The following PRTFDC1 variants were observed in gnomAD, a reference collection of about 807,000 sequenced individuals.
PRTFDC1 encodes phosphoribosyltransferase domain-containing protein 1.
PRTFDC1 carries 38 observed loss-of-function variants against 34.6 expected under a neutral mutation model. That is an observed-to-expected ratio of 1.10 (90% CI 0.85 to 1.44). The LOEUF is 1.44. Ranked by LOEUF, PRTFDC1 falls within the 40% of genes most tolerant of loss-of-function variation. The pLI, the probability that PRTFDC1 is intolerant of heterozygous loss-of-function variation, is 0.00. For missense variants in PRTFDC1, 270 were observed against 283.0 expected (o/e 0.95, Z 0.33); for synonymous variants, 93 against 98.1 (o/e 0.95, Z 0.31).
chr10:24,889,888 G>A (rs16925124), intron 3 of PRTFDC1, among the ~76,000 whole-genome samples: 4,831 of 152,284 alleles, frequency 0.032, 276 homozygotes, highest in African/African-American at 0.11. Flanking sequence ...GAGGCTAAGG[G>A]CTTGGAAAGC....
chr10:24,857,314 A>G (rs1233915661), intron 5 of PRTFDC1, among the ~76,000 whole-genome samples: 2 of 152,212 alleles, frequency 1.3e-5, no homozygotes, highest in Non-Finnish European at 2.9e-5. Flanking sequence ...TTCAAGGACT[A>G]AATTTGGCCC....
chr10:24,895,540 C>T (rs1848340684), intron 3 of PRTFDC1, among the ~76,000 whole-genome samples: 1 of 151,082 alleles, frequency 6.6e-6, no homozygotes, highest in South Asian at 2.1e-4. Flanking sequence ...TGTGAGCCAC[C>T]ACGCCCAGTC....
intron 3 of PRTFDC1, among the ~76,000 whole-genome samples, chr10:24,877,086 A>C (rs958819209): frequency 6.6e-6 from 1 of 152,064 alleles, no homozygotes; most frequent in Non-Finnish European, 1.5e-5. Flanking sequence ...AATTTGTGGC[A>C]CGACCCCCCT....
intron 7 of PRTFDC1, 128 bp from the exon 8 acceptor site, chr10:24,851,592 T>A: frequency 7.2e-7 from 1 of 1,396,660 alleles, no homozygotes; most frequent in East Asian, 2.4e-5. Flanking sequence ...GAGTGAGAAA[T>A]GGTGAGAAAT....
intron 3 of PRTFDC1, among the ~76,000 whole-genome samples, chr10:24,892,700 T>C (rs1017706513): frequency 6.6e-6 from 1 of 152,088 alleles, no homozygotes; most frequent in African/African-American, 2.4e-5. Flanking sequence ...ATTGTGCGTA[T>C]GATAAATCCA....
intron 3 of PRTFDC1, among the ~76,000 whole-genome samples, chr10:24,892,605 C>T (rs1010477100): frequency 5.3e-5 from 8 of 151,862 alleles, no homozygotes; most frequent in African/African-American, 1.5e-4. Flanking sequence ...AAAATGACAC[C>T]GAGGCCAAGT....
chr10:24,933,852 C>A (rs1211605778), intron 3 of PRTFDC1, among the ~76,000 whole-genome samples: 1 of 152,020 alleles, frequency 6.6e-6, no homozygotes, highest in African/African-American at 2.4e-5. Context: ...TGCCACCATG[C>A]CTGGCTAATT....
rs201109414 is a variant in PRTFDC1, at chr10:24,872,025, G to C, written c.378C>G (p.Gly126=). 3 of 1,612,054 alleles carry C rather than the reference G, an allele frequency of 1.9e-6. No individual in the cohort carries two copies. The African/African-American group carries it at 4.0e-5, about 22-fold the overall frequency. The change falls in exon 4 of 9, where the codon GGC becomes GGG. Residue 126 remains glycine, a synonymous_variant. Coordinates refer to ENST00000320152, the MANE Select transcript of PRTFDC1 (RefSeq NM_020200.7). The stretch of plus-strand genomic sequence containing the variant: ...TTCCAGCCAGCGTTGAAAGATCATC[G>C]CCTCCGATTATCTGCATCTCACCCA... The part of the protein sequence containing the change: ...QSMGEMQIIG[G]DDLSTLAGKN...
rs200345966 is a variant in PRTFDC1 at position 24,937,231 on chromosome 10, G to A, written c.292C>T (p.Arg98Ter). ...AAATCAACCTTCATTGAGACAAATCGATCTGAATTTCGGCTGATGTTCTTA... is the reference window on the plus strand; with the variant it reads ...AAATCAACCTTCATTGAGACAAATCAATCTGAATTTCGGCTGATGTTCTTA... Reference protein sequence around the residue: ...HLKNISRNSDRFVSMKVDFIR... With the variant: ...HLKNISRNSD Residue 98 changes from arginine to a stop codon, truncating the protein, a stop_gained, in exon 3 of 9, where the codon CGA (arginine) becomes TGA (stop). Transcript: ENST00000320152. LOFTEE classifies it high-confidence loss of function. 1.4e-4 allele frequency: 231 copies of A among 1,613,444 alleles called. No individual in the cohort carries two copies. Among genetic ancestry groups the A allele is most frequent in the Non-Finnish European group, 1.9e-4 (222 of 1,179,914 alleles).
At chr10:24,876,587 G>T (rs902312860) in intron 3 of PRTFDC1, among the ~76,000 whole-genome samples, 1 of 151,968 alleles carries the variant, frequency 6.6e-6, no homozygotes, top group Non-Finnish European at 1.5e-5. Context: ...CCAGCTACTC[G>T]GGAGGCTGAG....
At chr10:24,932,602 T>C (rs897437849) in intron 3 of PRTFDC1, among the ~76,000 whole-genome samples, 21 of 151,940 alleles carry the variant, frequency 1.4e-4, no homozygotes, top group Non-Finnish European at 2.9e-5. Flanking sequence ...ATGCCTAAGA[T>C]CTGACACTTG....
At chr10:24,950,700 C>T (rs1281474059) in intron 1 of PRTFDC1, among the ~76,000 whole-genome samples, 1 of 152,020 alleles carries the variant, frequency 6.6e-6, no homozygotes, top group African/African-American at 2.4e-5. Flanking sequence ...TGCCCTCCCA[C>T]CCTTCAAAGT....
At chr10:24,881,994 G>A (rs986841370) in intron 3 of PRTFDC1, among the ~76,000 whole-genome samples, 2 of 151,974 alleles carry the variant, frequency 1.3e-5, no homozygotes, top group African/African-American at 4.8e-5. Context: ...ATCACCAGAG[G>A]TCAGGAGTTC....
At chr10:24,852,018 T>C (rs1223154702) in intron 7 of PRTFDC1, among the ~76,000 whole-genome samples, 2 of 151,908 alleles carry the variant, frequency 1.3e-5, no homozygotes, top group Non-Finnish European at 2.9e-5. Context: ...AGGAAGAGAA[T>C]GTGGAGGTTG....
At chr10:24,867,057 A>G (rs983096531) in intron 4 of PRTFDC1, among the ~76,000 whole-genome samples, 2 of 151,730 alleles carry the variant, frequency 1.3e-5, no homozygotes, top group African/African-American at 2.4e-5. Flanking sequence ...AGAGAGAGAG[A>G]GGGCTGTGTA....
At chr10:24,886,301 A>G (rs1332825199) in intron 3 of PRTFDC1, among the ~76,000 whole-genome samples, 1 of 152,202 alleles carries the variant, frequency 6.6e-6, no homozygotes, top group Non-Finnish European at 1.5e-5. Context: ...AATGAAGTCT[A>G]TTTTAAATAT....
At chr10:24,903,729 G>T (rs1467334423) in intron 3 of PRTFDC1, among the ~76,000 whole-genome samples, 1 of 150,170 alleles carries the variant, frequency 6.7e-6, no homozygotes, top group Admixed American at 6.6e-5. Context: ...TTTGAGACAG[G>T]GTCTTGCTCT....
intron 4 of PRTFDC1, among the ~76,000 whole-genome samples, chr10:24,863,750 G>A (rs985287772): frequency 2.0e-5 from 3 of 151,942 alleles, no homozygotes; most frequent in African/African-American, 7.3e-5. Flanking sequence ...AGTTGATTCC[G>A]ACCCTCATGC....
At position 24,941,178 on chromosome 10, in the gene PRTFDC1, CTAG is replaced by C. The variant is rs1027622440; in HGVS notation, c.155+1149_155+1151del. On this transcript the variant is annotated intron_variant, in intron 2 of 8. Coordinates refer to ENST00000320152, the MANE Select transcript of PRTFDC1 (RefSeq NM_020200.7). Reference sequence around the variant, plus strand: ...AAGTGATCCTCTCGCCTTAGCCTCCCTAGTAGCTGGGACTACAGGCCTGTGCTA... The same window carrying C: ...AAGTGATCCTCTCGCCTTAGCCTCCCTAGCTGGGACTACAGGCCTGTGCTA... 2.6e-5 allele frequency among the ~76,000 whole-genome samples: 4 copies of C among 152,050 alleles called. No individual in the cohort carries two copies. The East Asian group carries it at 7.7e-4, about 29-fold the overall frequency.
Sources: gnomAD v4.1 joint callset for allele counts (sites outside exome capture counted in the v4.1 genomes callset) on GRCh38, gnomAD v4.1.1 for gene constraint, MANE v1.5 for transcripts, NCBI Gene and HGNC (gene_info 2026-07-23, HGNC 2026-07-21) for gene names.